The following EPCAM variants were observed in gnomAD, a reference collection of about 807,000 sequenced individuals.
EPCAM encodes epithelial cell adhesion molecule.
EPCAM carries 39 observed loss-of-function variants against 40.0 expected under a neutral mutation model. That is an observed-to-expected ratio of 0.98 (90% confidence interval 0.76 to 1.27). EPCAM has a LOEUF of 1.27. Ranked by LOEUF, EPCAM falls within the 50% of genes most tolerant of loss-of-function variation. The probability of loss-of-function intolerance (pLI) is 0.00; values close to 1 mark genes in which losing one functional copy is unlikely to be tolerated. For missense variants in EPCAM, 503 were observed against 381.2 expected, an observed-to-expected ratio of 1.32 and a Z score of -2.66; for synonymous variants, 168 against 132.3, an observed-to-expected ratio of 1.27 and a Z score of -1.85.
chr2:47,384,807 A>G (rs1172064435), intron 7 of EPCAM, among the ~76,000 whole-genome samples: 1 of 152,146 alleles, frequency 6.6e-6, no homozygotes, highest in Non-Finnish European at 1.5e-5. Context: ...CCTGGGTTCA[A>G]GCAATTCTGG....
intron 7 of EPCAM, among the ~76,000 whole-genome samples, chr2:47,382,668 G>A (rs1197896111): frequency 1.3e-5 from 2 of 152,018 alleles, no homozygotes; most frequent in East Asian, 1.9e-4. Context: ...CCTGGGCAAC[G>A]AGAGCAAAAC....
At chr2:47,373,205 TA>T (rs777057814) in intron 1 of EPCAM, among the ~76,000 whole-genome samples, 12,177 of 65,138 alleles carry the variant, frequency 0.19, 815 homozygotes, top group East Asian at 0.41. Context: ...ACCCTATCTT[TA>T]AAAAAAAAAA....
At position 47,375,254 on chromosome 2, in the gene EPCAM, A is replaced by C. The variant is rs1671392532; in HGVS notation, c.446A>C (p.Lys149Thr). Reference sequence around the variant, plus strand: ...TATAGCTGGATCATCATTGAACTAAAACACAAAGCAAGAGAAAAACCTTAT... The same window carrying C: ...TATAGCTGGATCATCATTGAACTAACACACAAAGCAAGAGAAAAACCTTAT... ...VRTYWIIIEL[K>T]HKAREKPYDS... Residue 149 changes from lysine to threonine, a missense_variant, in exon 4 of 9, where the codon AAA becomes ACA. Transcript: ENST00000263735. The C allele has an allele frequency of 6.2e-7, 1 of 1,611,754 alleles. No homozygotes were observed.
chr2:47,373,916 A>T lies in EPCAM; in HGVS notation c.293A>T (p.Asp98Val), dbSNP rs1558435251. Reference sequence around the variant, plus strand: ...AACAATGATGGGCTTTATGATCCTGACTGCGATGAGAGCGGGCTCTTTAAG... The same window carrying T: ...AACAATGATGGGCTTTATGATCCTGTCTGCGATGAGAGCGGGCTCTTTAAG... ...LQNNDGLYDPDCDESGLFKAK... is the reference protein window; with the variant it reads ...LQNNDGLYDPVCDESGLFKAK... The change falls in exon 3 of 9, where the codon GAC becomes GTC. Residue 98 changes from aspartate (D) to valine (V), a missense_variant. Asp to Val is a radical substitution (Grantham distance 152). Coordinates refer to ENST00000263735, the MANE Select transcript of EPCAM (RefSeq NM_002354.3). The T allele has an allele frequency of 1.9e-6, 3 of 1,614,084 alleles. No homozygotes were observed. The highest frequency in any genetic ancestry group is 2.2e-5 in the East Asian group (1 of 44,862).
At chr2:47,378,783 A>G (rs1274511048) in intron 5 of EPCAM, among the ~76,000 whole-genome samples, 170 bp from the exon 6 acceptor site, 21 of 152,166 alleles carry the variant, frequency 1.4e-4, no homozygotes, top group Admixed American at 9.2e-4. Flanking sequence ...AGACCTCCCA[A>G]AGATTTCTTG....
At chr2:47,376,236 T>A (rs180679965) in intron 4 of EPCAM, among the ~76,000 whole-genome samples, 17 of 151,810 alleles carry the variant, frequency 1.1e-4, no homozygotes, top group Admixed American at 2.6e-4. Context: ...CAAATTTTGA[T>A]TTGTCTGATA....
rs1671335988 is a variant in EPCAM at position 47,373,481 on chromosome 2, A to G, written c.95A>G (p.Tyr32Cys). The change falls in exon 2 of 9, where the codon TAC (tyrosine) becomes TGC (cysteine). Residue 32 changes from tyrosine (Y) to cysteine (C), a missense_variant. By Grantham distance (194) the Tyr-to-Cys change is radical. Transcript: ENST00000263735. ...TTTCTAGAATGTGTCTGTGAAAACTACAAGCTGGCCGTAAACTGCTTTGTG... is the reference window on the plus strand; with the variant it reads ...TTTCTAGAATGTGTCTGTGAAAACTGCAAGCTGGCCGTAAACTGCTTTGTG... ...AAQEECVCENYKLAVNCFVNN... is the reference protein window; with the variant it reads ...AAQEECVCENCKLAVNCFVNN... 6.2e-7 allele frequency: 1 copy of G among 1,612,612 alleles called. No individual in the cohort carries two copies. Among genetic ancestry groups the G allele is most frequent in the Non-Finnish European group, 8.5e-7 (1 of 1,178,946 alleles).
rs1385984737 is a variant in EPCAM, at chr2:47,374,045, C to T, written c.422C>T (p.Thr141Ile). 1 of 1,614,108 alleles carries T rather than the reference C, an allele frequency of 6.2e-7. No homozygotes were observed. The highest frequency in any genetic ancestry group is 1.1e-5 in the South Asian group (1 of 91,080). Residue 141 changes from threonine to isoleucine, a missense_variant, in exon 3 of 9, where the codon ACC (threonine) becomes ATC (isoleucine). By Grantham distance (89) the Thr-to-Ile change is moderately conservative (BLOSUM62 -1). Coordinates refer to ENST00000263735, the MANE Select transcript of EPCAM (RefSeq NM_002354.3). Reference sequence around the variant, plus strand: ...ATAACCTGCTCTGAGCGAGTGAGAACCTAGTGAGTGGGGCTGCCTATACTA... The same window carrying T: ...ATAACCTGCTCTGAGCGAGTGAGAATCTAGTGAGTGGGGCTGCCTATACTA... ...TEITCSERVRTYWIIIELKHK... is the reference protein window; with the variant it reads ...TEITCSERVRIYWIIIELKHK...
intron 7 of EPCAM, among the ~76,000 whole-genome samples, chr2:47,381,840 C>G (rs931628393): frequency 6.6e-6 from 1 of 152,164 alleles, no homozygotes; most frequent in African/African-American, 2.4e-5. Context: ...GATCATAACT[C>G]ACTGCAACCT....
intron 8 of EPCAM, 114 bp from the exon 9 acceptor site, chr2:47,386,458 G>A: frequency 1.3e-6 from 1 of 771,374 alleles, no homozygotes; most frequent in Admixed American, 2.6e-5. Context: ...TATAAATGTG[G>A]GAAAAAATTA....
rs542716105 is a variant in EPCAM at position 47,377,006 on chromosome 2, C to A, written c.492-8C>A. On this transcript the variant is annotated splice_region_variant and splice_polypyrimidine_tract_variant and intron_variant, in intron 4 of 8. Transcript: ENST00000263735. The stretch of plus-strand genomic sequence containing the variant: ...TTTTTTTTAATACAGATTTTAAATT[C>A]TTTACAGTGCACTTCAGAAGGAGAT... The A allele has an allele frequency of 5.0e-6, 8 of 1,589,214 alleles. No homozygotes were observed. The South Asian group carries it at 8.8e-5, about 18-fold the overall frequency.
chr2:47,386,632 A>G lies in EPCAM; in HGVS notation c.*19A>G. 1 of 1,579,094 alleles carries G rather than the reference A, an allele frequency of 6.3e-7. No individual in the cohort carries two copies. Among genetic ancestry groups the G allele is most frequent in the Non-Finnish European group, 8.7e-7 (1 of 1,149,072 alleles). On this transcript the variant is annotated 3_prime_UTR_variant, in exon 9 of 9. Transcript: ENST00000263735. Reference sequence around the variant, plus strand: ...TGCATAACTATATAATTTGAAGATTATAGAAGAAGGGAAATAGCAAATGGA... The same window carrying G: ...TGCATAACTATATAATTTGAAGATTGTAGAAGAAGGGAAATAGCAAATGGA...
chr2:47,373,972 T>C lies in EPCAM; in HGVS notation c.349T>C (p.Trp117Arg). 1 of 1,614,164 alleles carries C rather than the reference T, an allele frequency of 6.2e-7. No homozygotes were observed. The highest frequency in any genetic ancestry group is 1.1e-5 in the South Asian group (1 of 91,084). The change falls in exon 3 of 9, where the codon TGG becomes CGG. Residue 117 changes from tryptophan to arginine, a missense_variant. Physicochemically the swap from Trp to Arg is moderately radical, Grantham distance 101. Coordinates refer to ENST00000263735, the MANE Select transcript of EPCAM (RefSeq NM_002354.3). ...AKQCNGTSMC[W>R]CVNTAGVRRT... ...GCAGTGCAACGGCACCTCCATGTGC[T>C]GGTGTGTGAACACTGCTGGGGTCAG... is the stretch of plus-strand genomic sequence containing the variant.
chr2:47,373,234 A>T (rs78291145), intron 1 of EPCAM, among the ~76,000 whole-genome samples: 2 of 147,182 alleles, frequency 1.4e-5, no homozygotes, highest in Non-Finnish European at 3.0e-5. Flanking sequence ...AAAAAAAAAA[A>T]ACAGGAATGC....
At chr2:47,369,771 C>A (rs1248140608) in intron 1 of EPCAM, 190 bp downstream of exon 1, 2 of 713,730 alleles carry the variant, frequency 2.8e-6, no homozygotes, top group Non-Finnish European at 5.2e-6. Flanking sequence ...CGAGGGCCGT[C>A]CCGGGGAGCA....
intron 4 of EPCAM, 52 bp from the exon 5 acceptor site, chr2:47,376,962 T>G (rs1028625705): frequency 4.2e-6 from 5 of 1,195,212 alleles, no homozygotes; most frequent in African/African-American, 3.0e-5. Flanking sequence ...TGCTTCTTAC[T>G]GTTGTGTGGT....
chr2:47,379,126 C>T (rs1320909270), intron 6 of EPCAM, 72 bp downstream of exon 6: 3 of 882,530 alleles, frequency 3.4e-6, no homozygotes, highest in African/African-American at 1.6e-5. Context: ...AAATATATTT[C>T]ATCACCTTTT....
intron 6 of EPCAM, 49 bp downstream of exon 6, chr2:47,379,103 G>A (rs2103757460): frequency 1.0e-6 from 1 of 967,536 alleles, no homozygotes; most frequent in Non-Finnish European, 1.7e-6. Context: ...AGTCTATCAT[G>A]CCTCAATGAA....
At position 47,385,218 on chromosome 2, in the gene EPCAM, G is replaced by T. The variant is rs780325571; in HGVS notation, c.903+8G>T. 6.2e-7 allele frequency: 1 copy of T among 1,607,844 alleles called. No individual in the cohort carries two copies. Among genetic ancestry groups the T allele is most frequent in the East Asian group, 2.2e-5 (1 of 44,764 alleles). On this transcript the variant is annotated splice_region_variant and intron_variant, in intron 8 of 8. Transcript: ENST00000263735. ...AAGTATGAGAAGGCTGAGGTAAATG[G>T]ATTACTTACCTAAATAGAAAGGCCC...
Sources: allele counts gnomAD v4.1 joint callset (sites outside exome capture counted in the v4.1 genomes callset), GRCh38; gene constraint gnomAD v4.1.1; transcripts MANE v1.5; gene names NCBI Gene and HGNC (gene_info 2026-07-23, HGNC 2026-07-21).